Variants in ADAMTSL1 observed in about 807,000 individuals in gnomAD.
ADAMTSL1 encodes the protein ADAMTS-like protein 1.
Under a neutral mutation model 201.8 loss-of-function variants are expected in ADAMTSL1, and 126 were observed. The ratio of observed to expected loss-of-function variants is 0.62; its 90% CI spans 0.54 to 0.72. ADAMTSL1 has a LOEUF of 0.72. ADAMTSL1 is among the 30% of genes least tolerant of loss of function. The probability of loss-of-function intolerance (pLI) is 0.00; values close to 1 mark genes in which losing one functional copy is unlikely to be tolerated. For synonymous variants in ADAMTSL1, 1,121 were observed against 903.4 expected, an observed-to-expected ratio of 1.24 and a Z score of -4.32; for missense variants, 2,679 against 2,277.8, an observed-to-expected ratio of 1.18 and a Z score of -3.59.
At chr9:18,228,472 G>C (rs1328603496) in intron 2 of ADAMTSL1, among the ~76,000 whole-genome samples, 2 of 152,104 alleles carry the variant, frequency 1.3e-5, no homozygotes, top group Non-Finnish European at 2.9e-5. Context: ...CTAGGTTTAA[G>C]TGCAATGGCA....
chr9:17,943,862 G>A (rs977649862), intron 1 of ADAMTSL1, among the ~76,000 whole-genome samples: 6 of 151,964 alleles, frequency 3.9e-5, no homozygotes, highest in African/African-American at 1.4e-4. Context: ...GGCTTCTGGG[G>A]AGGCCTCAGG....
chr9:18,624,375 A>G (rs1224643698), intron 5 of ADAMTSL1, among the ~76,000 whole-genome samples: 1 of 152,198 alleles, frequency 6.6e-6, no homozygotes, highest in African/African-American at 2.4e-5. Context: ...CTTGTAAATC[A>G]TGGTTGGATG....
intron 2 of ADAMTSL1, among the ~76,000 whole-genome samples, chr9:18,325,376 G>A (rs932128708): frequency 6.6e-6 from 1 of 152,176 alleles, no homozygotes; most frequent in African/African-American, 2.4e-5. Flanking sequence ...ACACAGTTGT[G>A]ATGTATTCAT....
chr9:18,100,755 C>G (rs535367670), intron 1 of ADAMTSL1, among the ~76,000 whole-genome samples: 2 of 152,324 alleles, frequency 1.3e-5, no homozygotes, highest in East Asian at 3.9e-4. Flanking sequence ...GCACCACCCA[C>G]TTCATACCTT....
chr9:18,647,207 T>G (rs1031072929), intron 7 of ADAMTSL1, among the ~76,000 whole-genome samples: 10 of 152,192 alleles, frequency 6.6e-5, no homozygotes, highest in African/African-American at 2.2e-4. Context: ...GATGGTAGTT[T>G]GTATTTCTGT....
At chr9:17,943,972 T>C (rs1045096641) in intron 1 of ADAMTSL1, among the ~76,000 whole-genome samples, 12 of 151,608 alleles carry the variant, frequency 7.9e-5, no homozygotes, top group Non-Finnish European at 2.9e-5. Flanking sequence ...GCCACACACC[T>C]TTAAATAATC....
intron 15 of ADAMTSL1, among the ~76,000 whole-genome samples, chr9:18,727,701 G>A (rs1817972653): frequency 6.6e-6 from 1 of 152,184 alleles, no homozygotes. Flanking sequence ...TCTTTTCCAT[G>A]TGTGAGCATG....
At position 18,817,248 on chromosome 9, in the gene ADAMTSL1, A is replaced by C. The variant is rs1433809; in HGVS notation, c.3934+11A>C. The C allele has an allele frequency of 0.9, 1,388,605 of 1,550,452 alleles. 622,375 individuals are homozygous for C. The highest frequency in any genetic ancestry group is 0.96 in the East Asian group (39,139 of 40,872). ...ACTGCCAGGTTGCAGGTGAGAAATT[A>C]ATGTTCATTTGTTCACACGTTAATG... On this transcript the variant is annotated intron_variant, in intron 21 of 28. Coordinates refer to ENST00000380548, the MANE Select transcript of ADAMTSL1 (RefSeq NM_001040272.6).
At chr9:17,912,485 T>C (rs1255230944) in intron 1 of ADAMTSL1, among the ~76,000 whole-genome samples, 1 of 56,802 alleles carries the variant, frequency 1.8e-5, no homozygotes, top group African/African-American at 3.4e-5. Flanking sequence ...AAATGTCTTC[T>C]TTTGAGAAGT....
intron 2 of ADAMTSL1, among the ~76,000 whole-genome samples, chr9:18,405,409 G>A (rs1439041292): frequency 1.3e-5 from 2 of 152,180 alleles, no homozygotes; most frequent in African/African-American, 2.4e-5. Flanking sequence ...AGAAAGGTCA[G>A]GCAGCAGATG....
intron 1 of ADAMTSL1, among the ~76,000 whole-genome samples, chr9:18,079,141 G>A (rs1823362092): frequency 6.6e-6 from 1 of 151,994 alleles, no homozygotes; most frequent in South Asian, 2.1e-4. Flanking sequence ...TTTGATGGTG[G>A]GTACTAGGCT....
chr9:18,739,190 CT>C, intron 15 of ADAMTSL1, among the ~76,000 whole-genome samples: 1 of 152,278 alleles, frequency 6.6e-6, no homozygotes, highest in Non-Finnish European at 1.5e-5. Context: ...CTACTGGAAG[CT>C]ATTATTGTAA....
intron 1 of ADAMTSL1, among the ~76,000 whole-genome samples, chr9:18,157,733 T>C (rs573183514): frequency 2.8e-4 from 42 of 152,070 alleles, no homozygotes; most frequent in Admixed American, 2.4e-3. Context: ...AAACACCAGG[T>C]ATATAAATGT....
Position 18,559,724 on chromosome 9 carries a change from A to G in ADAMTSL1, c.238-14306A>G, listed in dbSNP as rs1821350191. On this transcript the variant is annotated intron_variant, in intron 3 of 28. Transcript: ENST00000380548. ...AGTTCTCTTTGAAGAGGTTCTTCACATCCCTTGTAAGTTATATTCCTAGGT... is the reference window on the plus strand; with the variant it reads ...AGTTCTCTTTGAAGAGGTTCTTCACGTCCCTTGTAAGTTATATTCCTAGGT... Among the ~76,000 whole-genome samples, 3 of 152,248 alleles carry G rather than the reference A, an allele frequency of 2.0e-5. 1 individual carries two copies. The highest frequency in any genetic ancestry group is 4.2e-4 in the South Asian group (2 of 4,816).
upstream of ADAMTSL1, among the ~76,000 whole-genome samples, chr9:18,471,544 A>C (rs1821214205): frequency 6.6e-6 from 1 of 152,224 alleles, no homozygotes. Context: ...TTCATGACCA[A>C]AACTTTTCCC....
intron 1 of ADAMTSL1, among the ~76,000 whole-genome samples, chr9:17,929,361 A>G (rs990540854): frequency 6.6e-6 from 1 of 152,118 alleles, no homozygotes; most frequent in Non-Finnish European, 1.5e-5. Flanking sequence ...ATGTACTGTA[A>G]GACCTCTTCT....
chr9:18,838,338 TGGGGA>T (rs893611136), intron 23 of ADAMTSL1, among the ~76,000 whole-genome samples: 11 of 147,016 alleles, frequency 7.5e-5, no homozygotes, highest in African/African-American at 2.8e-4. Flanking sequence ...GAGATTTGGG[TGGGGA>T]CACAGCCAAA....
chr9:18,441,682 A>T (rs909304494), intron 2 of ADAMTSL1, among the ~76,000 whole-genome samples: 1 of 151,326 alleles, frequency 6.6e-6, no homozygotes, highest in Non-Finnish European at 1.5e-5. Context: ...AAAGGAATCC[A>T]TTTTTTTTTC....
intron 2 of ADAMTSL1, among the ~76,000 whole-genome samples, chr9:18,280,762 C>G (rs2383072): frequency 1.8e-4 from 27 of 152,166 alleles, no homozygotes; most frequent in Non-Finnish European, 1.3e-4. Flanking sequence ...TATGATTTTG[C>G]TAAATTCACT....
Sources: allele counts gnomAD v4.1 joint callset (sites outside exome capture counted in the v4.1 genomes callset), GRCh38; gene constraint gnomAD v4.1.1; transcripts MANE v1.5; gene names NCBI Gene and HGNC (gene_info 2026-07-23, HGNC 2026-07-21).